RARB: variants seen among roughly 807,000 people sequenced by gnomAD.
The protein encoded by RARB is HBV-activated protein.
A neutral mutation model predicts 51.9 loss-of-function variants in RARB; 17 were observed. The ratio of observed to expected loss-of-function variants is 0.33; its 90% confidence interval spans 0.22 to 0.49. RARB has a LOEUF of 0.49. Among genes scored for constraint, RARB ranks in the 20% least tolerant of loss-of-function variants. RARB has a pLI of 0.99. For synonymous variants in RARB, 215 were observed against 195.4 expected (o/e 1.10, Z -0.84); for missense variants, 369 against 550.8 (o/e 0.67, Z 3.30).
intron 2 of RARB, among the ~76,000 whole-genome samples, chr3:24,942,611 A>G (rs142007255): frequency 2.3e-4 from 35 of 152,316 alleles, no homozygotes; most frequent in African/African-American, 8.2e-4. Context: ...ACCTTAGTCA[A>G]ATCATATGAC....
At chr3:25,375,815 C>A (rs1011049384) in intron 5 of RARB, among the ~76,000 whole-genome samples, 3 of 152,106 alleles carry the variant, frequency 2.0e-5, no homozygotes, top group Admixed American at 6.5e-5. Flanking sequence ...CCACAATCAG[C>A]CATACCAATT....
chr3:25,250,717 A>G (rs2125401561), intron 5 of RARB, among the ~76,000 whole-genome samples: 1 of 152,268 alleles, frequency 6.6e-6, no homozygotes, highest in East Asian at 1.9e-4. Flanking sequence ...GGGCTCTCAA[A>G]GTGGCACCTT....
intron 3 of RARB, among the ~76,000 whole-genome samples, chr3:25,082,906 C>T (rs1430378136): frequency 6.6e-6 from 1 of 152,018 alleles, no homozygotes; most frequent in East Asian, 1.9e-4. Flanking sequence ...TTAATATCAC[C>T]TTTATTTTTC....
intron 5 of RARB, among the ~76,000 whole-genome samples, chr3:25,334,163 T>C (rs1386530681): frequency 1.3e-5 from 2 of 152,130 alleles, no homozygotes; most frequent in Admixed American, 6.6e-5. Context: ...TTTGACCCAG[T>C]CATCCTATTA....
chr3:25,031,185 C>T (rs971166845), intron 2 of RARB, among the ~76,000 whole-genome samples: 4 of 152,124 alleles, frequency 2.6e-5, no homozygotes, highest in African/African-American at 7.2e-5. Flanking sequence ...AAAATATGTG[C>T]CCATATATTT....
chr3:25,016,349 T>A (rs995630454), intron 2 of RARB, among the ~76,000 whole-genome samples: 1 of 152,190 alleles, frequency 6.6e-6, no homozygotes, highest in Non-Finnish European at 1.5e-5. Context: ...AATAATACTT[T>A]GTTGTGAGAG....
intron 1 of RARB, among the ~76,000 whole-genome samples, chr3:24,855,744 ATTTT>A (rs34706427): frequency 2.7e-5 from 3 of 110,212 alleles, no homozygotes; most frequent in Admixed American, 1.0e-4. Context: ...GGAAATCTGC[ATTTT>A]TTTTTTTTTT....
intron 5 of RARB, among the ~76,000 whole-genome samples, chr3:25,379,163 C>T (rs1575356009): frequency 6.6e-6 from 1 of 152,228 alleles, no homozygotes; most frequent in East Asian, 1.9e-4. Flanking sequence ...ACTCCCCACC[C>T]TCAGCTCCAA....
intron 2 of RARB, among the ~76,000 whole-genome samples, chr3:24,897,294 T>A (rs1703496950): frequency 6.6e-6 from 1 of 152,140 alleles, no homozygotes; most frequent in Admixed American, 6.5e-5. Context: ...ATATAAGGAG[T>A]AAAACGCTCA....
At chr3:25,262,243 C>G (rs1703016608) in intron 5 of RARB, among the ~76,000 whole-genome samples, 1 of 152,102 alleles carries the variant, frequency 6.6e-6, no homozygotes, top group Non-Finnish European at 1.5e-5. Flanking sequence ...TGAGTGCCCT[C>G]ACTACACGTA....
chr3:25,188,367 G>T (rs1293592367), intron 5 of RARB, among the ~76,000 whole-genome samples: 1 of 152,102 alleles, frequency 6.6e-6, no homozygotes, highest in Non-Finnish European at 1.5e-5. Flanking sequence ...TTTAAAAAGG[G>T]AGACCTTTTA....
At chr3:25,214,847 G>A (rs941954882) in intron 5 of RARB, among the ~76,000 whole-genome samples, 6 of 152,162 alleles carry the variant, frequency 3.9e-5, no homozygotes, top group Non-Finnish European at 8.8e-5. Flanking sequence ...GTGTCATGTA[G>A]TTAGCATAGA....
At chr3:24,894,363 A>G (rs1703440943) in intron 2 of RARB, among the ~76,000 whole-genome samples, 2 of 151,336 alleles carry the variant, frequency 1.3e-5, no homozygotes, top group Non-Finnish European at 2.9e-5. Context: ...AGAACATGCA[A>G]TATTTAGTTT....
chr3:25,349,502 TA>T (rs1211650407), intron 5 of RARB, among the ~76,000 whole-genome samples: 1 of 152,144 alleles, frequency 6.6e-6, no homozygotes, highest in Non-Finnish European at 1.5e-5. Flanking sequence ...GTAAGATGAA[TA>T]GGTCAGCAGA....
intron 2 of RARB, among the ~76,000 whole-genome samples, chr3:25,003,804 A>T (rs1391728935): frequency 6.6e-6 from 1 of 152,132 alleles, no homozygotes; most frequent in Admixed American, 6.6e-5. Context: ...AGGTCACAGA[A>T]AAGGCTCATG....
chr3:25,214,139 A>C (rs1202307511), intron 5 of RARB, among the ~76,000 whole-genome samples: 1 of 152,182 alleles, frequency 6.6e-6, no homozygotes, highest in Admixed American at 6.6e-5. Context: ...GTGCTCCCAG[A>C]AAAGCAGCAT....
At chr3:24,950,862 G>A (rs920657395) in intron 2 of RARB, among the ~76,000 whole-genome samples, 7 of 152,256 alleles carry the variant, frequency 4.6e-5, no homozygotes, top group East Asian at 1.9e-4. Flanking sequence ...CACCATCAAC[G>A]TGCCTGGCAT....
rs973639607 is a variant in RARB at position 25,259,044 on chromosome 3, A to G, written c.178+84469A>G. Reference sequence around the variant, plus strand: ...CTGCTTCTGATATTAGTAGGCAGGAACCAGGAATGTGAACATACTTCAGTA... The same window carrying G: ...CTGCTTCTGATATTAGTAGGCAGGAGCCAGGAATGTGAACATACTTCAGTA... On this transcript the variant is annotated intron_variant, in intron 5 of 11. Transcript: ENST00000383772. 3.0e-6 allele frequency: 3 copies of G among 985,212 alleles called. No homozygotes were observed. The African/African-American group carries it at 5.2e-5, about 17-fold the overall frequency. The allele number at this position is 985,212 out of a possible 1,614,324, so 61.0% of individuals were successfully genotyped here. A position where few individuals can be genotyped will look rare whatever the true frequency, so the allele number is the denominator to read the frequency against.
intron 5 of RARB, among the ~76,000 whole-genome samples, chr3:25,350,747 A>G (rs75755090): frequency 0.04 from 6,121 of 152,318 alleles, 163 homozygotes; most frequent in Middle Eastern, 0.061. Flanking sequence ...AAATTTCATA[A>G]CTGAGAATCT....
Sources: allele counts gnomAD v4.1 joint callset (sites outside exome capture counted in the v4.1 genomes callset), GRCh38; gene constraint gnomAD v4.1.1; transcripts MANE v1.5; gene names NCBI Gene and HGNC (gene_info 2026-07-23, HGNC 2026-07-21).